The following UBE2E2 variants were observed in gnomAD, a reference collection of about 807,000 sequenced individuals.
UBE2E2 encodes the protein ubiquitin-conjugating enzyme E2 E2.
A neutral mutation model predicts 24.7 loss-of-function variants in UBE2E2; 6 were observed. The ratio of observed to expected loss-of-function variants is 0.24; its 90% CI spans 0.13 to 0.48. UBE2E2 has a LOEUF of 0.48. UBE2E2 is among the 20% of genes least tolerant of loss of function. UBE2E2 has a pLI of 0.99. For missense variants in UBE2E2, 169 were observed against 245.0 expected (o/e 0.69, Z 2.07); for synonymous variants, 104 against 83.6 (o/e 1.24, Z -1.33).
chr3:23,466,768 C>T (rs1393563611), intron 3 of UBE2E2, among the ~76,000 whole-genome samples: 1 of 152,004 alleles, frequency 6.6e-6, no homozygotes, highest in Admixed American at 6.6e-5. Flanking sequence ...AGGGTTTCAC[C>T]ATATTGGCCA....
At chr3:23,324,580 T>A (rs1694834286) in intron 3 of UBE2E2, among the ~76,000 whole-genome samples, 1 of 152,162 alleles carries the variant, frequency 6.6e-6, no homozygotes, top group African/African-American at 2.4e-5. Flanking sequence ...TTCAGTTTTG[T>A]TATTTGTTAG....
At chr3:23,447,859 T>C (rs1698469133) in intron 3 of UBE2E2, among the ~76,000 whole-genome samples, 2 of 152,200 alleles carry the variant, frequency 1.3e-5, no homozygotes, top group Admixed American at 1.3e-4. Context: ...TGAAATATGG[T>C]ATTACATGGT....
intron 4 of UBE2E2, among the ~76,000 whole-genome samples, chr3:23,509,343 A>T (rs565926958): frequency 1.3e-5 from 2 of 152,306 alleles, no homozygotes; most frequent in East Asian, 3.9e-4. Context: ...ATTATATTTC[A>T]TTGTCCACTT....
rs186084011 is a variant in UBE2E2 at position 23,570,550 on chromosome 3, A to C, written c.509-19184A>C. On this transcript the variant is annotated intron_variant, in intron 5 of 5. Transcript: ENST00000396703. ...TTACAACAGTAAACAATGTATAATA[A>C]ATAATTTATAAATTATAAAATATAC... Among the ~76,000 whole-genome samples, 1,249 of 152,286 alleles carry C rather than the reference A, an allele frequency of 8.2e-3. 8 individuals carry two copies. The highest frequency in any genetic ancestry group is 0.013 in the Non-Finnish European group (885 of 68,020).
chr3:23,313,075 T>A (rs1694456380), intron 3 of UBE2E2, among the ~76,000 whole-genome samples: 1 of 152,202 alleles, frequency 6.6e-6, no homozygotes, highest in Non-Finnish European at 1.5e-5. Context: ...CTGCAGCTGT[T>A]GGGTGAAATG....
At chr3:23,227,245 G>A (rs1304317572) in intron 3 of UBE2E2, among the ~76,000 whole-genome samples, 1 of 152,050 alleles carries the variant, frequency 6.6e-6, no homozygotes. Flanking sequence ...GTAATTAATT[G>A]CATTTTGTGT....
chr3:23,381,858 G>C (rs1399190799), intron 3 of UBE2E2, among the ~76,000 whole-genome samples: 2 of 152,282 alleles, frequency 1.3e-5, no homozygotes, highest in East Asian at 3.9e-4. Context: ...CTGTTTCCCA[G>C]TGTTTGAGGC....
intron 4 of UBE2E2, among the ~76,000 whole-genome samples, chr3:23,515,374 C>T (rs1394031014): frequency 1.3e-5 from 2 of 152,054 alleles, no homozygotes; most frequent in Admixed American, 6.6e-5. Context: ...GTTGAACAAA[C>T]AGAGTGGCAG....
At chr3:23,449,069 G>T (rs187700454) in intron 3 of UBE2E2, among the ~76,000 whole-genome samples, 2 of 152,268 alleles carry the variant, frequency 1.3e-5, no homozygotes, top group South Asian at 2.1e-4. Flanking sequence ...GCATGCCATT[G>T]TAAGTATACT....
chr3:23,524,668 T>C (rs1337345224), intron 4 of UBE2E2, among the ~76,000 whole-genome samples: 1 of 152,078 alleles, frequency 6.6e-6, no homozygotes, highest in South Asian at 2.1e-4. Context: ...AGGCTCAGAG[T>C]TGCAAAGTTA....
Position 23,398,513 on chromosome 3 carries a change from G to T in UBE2E2, c.228-101095G>T, listed in dbSNP as rs150868598. 3.3e-5 allele frequency among the ~76,000 whole-genome samples: 5 copies of T among 152,166 alleles called. No homozygotes were observed. The East Asian group carries it at 9.6e-4, about 29-fold the overall frequency. On this transcript the variant is annotated intron_variant, in intron 3 of 5. Coordinates refer to ENST00000396703, the MANE Select transcript of UBE2E2 (RefSeq NM_152653.4). ...AAATATCATAGTGATAACTTGTGGT[G>T]GGAAAAGTTAGAAGACAGATGTTTT...
intron 3 of UBE2E2, among the ~76,000 whole-genome samples, chr3:23,292,537 C>G (rs1470549352): frequency 6.6e-6 from 1 of 152,076 alleles, no homozygotes; most frequent in East Asian, 1.9e-4. Flanking sequence ...TCTCAGAGCC[C>G]CACTCACTTG....
intron 3 of UBE2E2, among the ~76,000 whole-genome samples, chr3:23,428,968 C>T (rs1697995204): frequency 7.0e-6 from 1 of 143,534 alleles, no homozygotes; most frequent in South Asian, 2.3e-4. Flanking sequence ...GAAAAAGAGG[C>T]TATCACTACA....
intron 4 of UBE2E2, among the ~76,000 whole-genome samples, chr3:23,504,481 C>T (rs778871843): frequency 7.2e-5 from 11 of 152,064 alleles, no homozygotes; most frequent in Admixed American, 1.3e-4. Flanking sequence ...AGAGTTTGCA[C>T]GTGTTTATAG....
chr3:23,355,653 G>A (rs945286437), intron 3 of UBE2E2, among the ~76,000 whole-genome samples: 2 of 152,130 alleles, frequency 1.3e-5, no homozygotes, highest in Non-Finnish European at 2.9e-5. Context: ...GATTGTGGCT[G>A]ACCAGTTTAT....
chr3:23,486,115 C>T (rs1038665657), intron 3 of UBE2E2, among the ~76,000 whole-genome samples: 2 of 152,222 alleles, frequency 1.3e-5, no homozygotes, highest in Admixed American at 1.3e-4. Context: ...GGATCCCACA[C>T]CTGCCAAGGG....
chr3:23,359,285 T>G (rs1257583741), intron 3 of UBE2E2, among the ~76,000 whole-genome samples: 2 of 152,146 alleles, frequency 1.3e-5, no homozygotes, highest in Non-Finnish European at 2.9e-5. Context: ...ACATCTCCTT[T>G]GAGAAATATG....
intron 3 of UBE2E2, among the ~76,000 whole-genome samples, chr3:23,269,975 C>T (rs973196738): frequency 2.0e-5 from 3 of 152,090 alleles, no homozygotes; most frequent in Non-Finnish European, 4.4e-5. Context: ...CCTTGAAAAT[C>T]TTGGTTTAGA....
chr3:23,282,041 C>T (rs1260867590), intron 3 of UBE2E2, among the ~76,000 whole-genome samples: 1 of 152,162 alleles, frequency 6.6e-6, no homozygotes, highest in African/African-American at 2.4e-5. Flanking sequence ...GAAATTTGGT[C>T]ACTTACTCTC....
Sources: allele counts gnomAD v4.1 joint callset (sites outside exome capture counted in the v4.1 genomes callset), GRCh38; gene constraint gnomAD v4.1.1; transcripts MANE v1.5; gene names NCBI Gene and HGNC (gene_info 2026-07-23, HGNC 2026-07-21).